C2orf76: variants seen among roughly 807,000 people sequenced by gnomAD.
C2orf76 encodes chromosome 2 open reading frame 76.
Under a neutral mutation model 16.9 loss-of-function variants are expected in C2orf76, and 23 were observed. The ratio of observed to expected loss-of-function variants is 1.36; its 90% CI spans 0.98 to 1.93. The LOEUF (loss-of-function observed/expected upper bound fraction) is 1.93, where lower values mean the gene tolerates loss of function less well. C2orf76 is among the 30% of genes most tolerant of loss of function. The pLI is 0.00. For synonymous variants in C2orf76, 48 were observed against 52.3 expected (o/e 0.92, Z 0.35); for missense variants, 152 against 152.6 (o/e 1.00, Z 0.02).
At chr2:119,321,554 C>T (rs533077797) in intron 2 of C2orf76, among the ~76,000 whole-genome samples, 4 of 152,162 alleles carry the variant, frequency 2.6e-5, no homozygotes, top group South Asian at 4.1e-4. Context: ...TCAGATCTCA[C>T]GACACTTATT....
At chr2:119,299,016 A>G (rs1451046101), downstream of C2orf76, among the ~76,000 whole-genome samples, 1 of 152,098 alleles carries the variant, frequency 6.6e-6, no homozygotes, top group Non-Finnish European at 1.5e-5. Flanking sequence ...CCTGGACCCA[A>G]GGGATCCTCC....
chr2:119,359,090 T>G (rs1161956410), intron 1 of C2orf76, among the ~76,000 whole-genome samples: 2 of 152,190 alleles, frequency 1.3e-5, no homozygotes, highest in Non-Finnish European at 2.9e-5. Context: ...CTGATCATTG[T>G]GAAAATCTTA....
At chr2:119,293,125 A>G in the C2orf76 span, among the ~76,000 whole-genome samples, 1 of 152,372 alleles carries the variant, frequency 6.6e-6, no homozygotes, top group East Asian at 1.9e-4. Context: ...CTGCTGGCCT[A>G]TGAAGTGCCA....
chr2:119,304,913 T>C (rs916635518), intron 5 of C2orf76, among the ~76,000 whole-genome samples: 2 of 152,206 alleles, frequency 1.3e-5, no homozygotes, highest in Non-Finnish European at 2.9e-5. Flanking sequence ...TTTCCACCAT[T>C]ATCCCTTAAA....
chr2:119,322,468 A>T (rs1679376395), intron 2 of C2orf76, among the ~76,000 whole-genome samples: 1 of 152,154 alleles, frequency 6.6e-6, no homozygotes, highest in Non-Finnish European at 1.5e-5. Flanking sequence ...TTGGCCTCCC[A>T]AAGTGCTGGG....
At chr2:119,350,321 T>G (rs1325737627) in intron 1 of C2orf76, among the ~76,000 whole-genome samples, 1 of 152,142 alleles carries the variant, frequency 6.6e-6, no homozygotes, top group Non-Finnish European at 1.5e-5. Flanking sequence ...TTAGATTTAA[T>G]GTAGGATACG....
At chr2:119,347,450 T>C (rs1680241353) in intron 1 of C2orf76, among the ~76,000 whole-genome samples, 1 of 152,212 alleles carries the variant, frequency 6.6e-6, no homozygotes, top group Non-Finnish European at 1.5e-5. Flanking sequence ...TCTGTTTATA[T>C]GATATTATGG....
At chr2:119,328,231 C>T (rs553808496) in intron 2 of C2orf76, among the ~76,000 whole-genome samples, 1 of 152,026 alleles carries the variant, frequency 6.6e-6, no homozygotes, top group African/African-American at 2.4e-5. Flanking sequence ...GTAGAATGTA[C>T]CAGTGAAACC....
At position 119,311,718 on chromosome 2, in the gene C2orf76, G is replaced by T; in HGVS notation, c.223-15C>A. On this transcript the variant is annotated splice_polypyrimidine_tract_variant and intron_variant, in intron 4 of 5. Coordinates refer to ENST00000334816, the MANE Select transcript of C2orf76 (RefSeq NM_001322331.2). ...AGTTCATTTGTCTAAAAAAAAAAAAGAAAATCTGCATTTTATCAGTACTTA... is the reference window on the plus strand; with the variant it reads ...AGTTCATTTGTCTAAAAAAAAAAAATAAAATCTGCATTTTATCAGTACTTA... 2.0e-6 allele frequency: 3 copies of T among 1,511,016 alleles called. No individual in the cohort carries two copies. The highest frequency in any genetic ancestry group is 2.7e-6 in the Non-Finnish European group (3 of 1,107,738). 93.6% of individuals were successfully genotyped at this position (1,511,016 alleles called of 1,614,324 possible). A position where few individuals can be genotyped will look rare whatever the true frequency, so the allele number is the denominator to read the frequency against.
At chr2:119,323,993 T>C (rs2104571693) in intron 2 of C2orf76, among the ~76,000 whole-genome samples, 1 of 152,378 alleles carries the variant, frequency 6.6e-6, no homozygotes, top group Non-Finnish European at 1.5e-5. Context: ...CCAGAGCATA[T>C]GTACTTCATT....
chr2:119,309,676 C>T (rs1163257720), intron 5 of C2orf76, among the ~76,000 whole-genome samples: 1 of 152,120 alleles, frequency 6.6e-6, no homozygotes, highest in Non-Finnish European at 1.5e-5. Context: ...CCGCCTTAGC[C>T]TCCCAAAGTG....
intron 2 of C2orf76, among the ~76,000 whole-genome samples, chr2:119,335,240 G>T (rs1679810397): frequency 6.6e-6 from 1 of 151,896 alleles, no homozygotes; most frequent in African/African-American, 2.4e-5. Flanking sequence ...AACACTCCTT[G>T]GCCTTTAGAT....
intron 2 of C2orf76, among the ~76,000 whole-genome samples, chr2:119,333,182 T>C (rs1679731671): frequency 6.6e-6 from 1 of 152,246 alleles, no homozygotes; most frequent in South Asian, 2.1e-4. Flanking sequence ...ACATTATGAC[T>C]GTGCTGCAGC....
chr2:119,306,623 T>C (rs1293731552), intron 5 of C2orf76, among the ~76,000 whole-genome samples: 1 of 147,032 alleles, frequency 6.8e-6, no homozygotes, highest in Non-Finnish European at 1.5e-5. Context: ...AAATAACACT[T>C]AAAAAAAAAA....
At chr2:119,312,283 T>G (rs1679019361) in intron 4 of C2orf76, among the ~76,000 whole-genome samples, 2 of 152,186 alleles carry the variant, frequency 1.3e-5, no homozygotes, top group Non-Finnish European at 2.9e-5. Context: ...GGTCTCACTC[T>G]GTCACCTAGG....
rs534241557 is a variant in C2orf76 at position 119,317,358 on chromosome 2, A to G, written c.222+108T>C. ...GGGTACCTACAAAATAAAAAGCGCT[A>G]TTATAATGGGAAATATTTTAGATGT... On this transcript the variant is annotated intron_variant, in intron 4 of 5. Coordinates refer to ENST00000334816, the MANE Select transcript of C2orf76 (RefSeq NM_001322331.2). 1.4e-4 allele frequency: 105 copies of G among 756,198 alleles called. No homozygotes were observed. In the Middle Eastern group the frequency reaches 3.9e-3, roughly 28 times the overall value. 46.8% of individuals were successfully genotyped at this position (756,198 alleles called of 1,614,324 possible). A position where few individuals can be genotyped will look rare whatever the true frequency, so the allele number is the denominator to read the frequency against.
intron 1 of C2orf76, among the ~76,000 whole-genome samples, chr2:119,343,616 A>G (rs1175800103): frequency 6.6e-6 from 1 of 152,156 alleles, no homozygotes; most frequent in Non-Finnish European, 1.5e-5. Flanking sequence ...TGTCTGATAT[A>G]TAAATAAGAA....
chr2:119,355,301 T>C (rs1213084650), intron 1 of C2orf76, among the ~76,000 whole-genome samples: 2 of 152,228 alleles, frequency 1.3e-5, no homozygotes, highest in African/African-American at 4.8e-5. Flanking sequence ...CTGCGTGTCT[T>C]AGAAGCAGAG....
At chr2:119,331,129 T>C (rs1679665505) in intron 2 of C2orf76, among the ~76,000 whole-genome samples, 1 of 152,186 alleles carries the variant, frequency 6.6e-6, no homozygotes, top group Non-Finnish European at 1.5e-5. Context: ...TCTTGTTGGG[T>C]GCTGGATATT....
Sources: gnomAD v4.1 joint callset for allele counts (sites outside exome capture counted in the v4.1 genomes callset) on GRCh38, gnomAD v4.1.1 for gene constraint, MANE v1.5 for transcripts, NCBI Gene and HGNC (gene_info 2026-07-23, HGNC 2026-07-21) for gene names.